FNDC3B: variants seen among roughly 807,000 people sequenced by gnomAD.
FNDC3B encodes fibronectin type III domain-containing protein 3B.
Under a neutral mutation model 151.5 loss-of-function variants are expected in FNDC3B, and 12 were observed. The observed-to-expected ratio is 0.08, with a 90% CI of 0.05 to 0.13. FNDC3B has a LOEUF of 0.13. Ranked by LOEUF, FNDC3B falls within the 10% of genes least tolerant of loss-of-function variation. The probability of loss-of-function intolerance (pLI) is 1.00; values close to 1 mark genes in which losing one functional copy is unlikely to be tolerated. For synonymous variants in FNDC3B, 528 were observed against 549.0 expected, an observed-to-expected ratio of 0.96 and a Z score of 0.54; for missense variants, 1,214 against 1,505.3, an observed-to-expected ratio of 0.81 and a Z score of 3.20.
At chr3:172,297,753 C>A (rs763101836) in intron 8 of FNDC3B, among the ~76,000 whole-genome samples, 4 of 143,588 alleles carry the variant, frequency 2.8e-5, no homozygotes, top group African/African-American at 5.5e-5. Context: ...GGATAACAGG[C>A]GTGAGCCACC....
chr3:172,144,204 TAAAC>T (rs1227946950), intron 3 of FNDC3B, among the ~76,000 whole-genome samples: 1 of 152,036 alleles, frequency 6.6e-6, no homozygotes, highest in African/African-American at 2.4e-5. Context: ...CCCAGACTCT[TAAAC>T]AACCAGATCT....
chr3:172,127,139 T>A (rs955868747), intron 2 of FNDC3B: 5 of 453,882 alleles, frequency 1.1e-5, no homozygotes, highest in African/African-American at 1.0e-4. Context: ...AGACTGTAAT[T>A]TTACTTAACT....
chr3:172,216,762 T>C (rs1006154557), intron 3 of FNDC3B, among the ~76,000 whole-genome samples: 1 of 152,180 alleles, frequency 6.6e-6, no homozygotes, highest in African/African-American at 2.4e-5. Context: ...TGGGGCAAGG[T>C]GATAAAGTTT....
intron 5 of FNDC3B, among the ~76,000 whole-genome samples, chr3:172,249,487 C>G (rs573647203): frequency 6.6e-6 from 1 of 152,044 alleles, no homozygotes; most frequent in Non-Finnish European, 1.5e-5. Flanking sequence ...AAACAAAATC[C>G]CTTCCCTTTA....
intron 16 of FNDC3B, 27 bp from the exon 17 acceptor site, chr3:172,341,086 A>G: frequency 6.8e-7 from 1 of 1,477,182 alleles, no homozygotes; most frequent in Non-Finnish European, 9.5e-7. Flanking sequence ...AAGAGGCATA[A>G]AGTCATGCAT....
intron 9 of FNDC3B, among the ~76,000 whole-genome samples, chr3:172,304,550 T>G (rs765776360): frequency 6.6e-5 from 10 of 152,142 alleles, no homozygotes; most frequent in Non-Finnish European, 2.9e-5. Flanking sequence ...ACCTGCTCCA[T>G]CTAAAGCGGG....
At chr3:172,147,276 G>A (rs1228760810) in intron 3 of FNDC3B, among the ~76,000 whole-genome samples, 1 of 148,256 alleles carries the variant, frequency 6.7e-6, no homozygotes, top group South Asian at 2.1e-4. Context: ...CATTGTACTC[G>A]AGCCTGGCGA....
intron 25 of FNDC3B, among the ~76,000 whole-genome samples, chr3:172,387,391 C>G (rs935285588): frequency 6.6e-6 from 1 of 152,200 alleles, no homozygotes; most frequent in African/African-American, 2.4e-5. Flanking sequence ...AGCCACCATG[C>G]CTGTCCCCTT....
intron 3 of FNDC3B, among the ~76,000 whole-genome samples, chr3:172,145,041 C>T (rs1336504694): frequency 6.6e-6 from 1 of 151,922 alleles, no homozygotes; most frequent in African/African-American, 2.4e-5. Flanking sequence ...GATTATTTCC[C>T]CCCTAAGTAT....
In FNDC3B at chr3:172,149,635, A is replaced by G. The variant is rs186684072; in HGVS notation, c.187+16089A>G. ...TTTTCTACTTGAAAGTGAGATTTTAAATTATCATTGAGACCTTACTTTAGG... is the reference window on the plus strand; with the variant it reads ...TTTTCTACTTGAAAGTGAGATTTTAGATTATCATTGAGACCTTACTTTAGG... On this transcript the variant is annotated intron_variant, in intron 3 of 25. Transcript: ENST00000415807. 5.3e-5 allele frequency among the ~76,000 whole-genome samples: 8 copies of G among 152,098 alleles called. No homozygotes were observed. In the East Asian group the frequency reaches 1.4e-3, roughly 26 times the overall value.
intron 22 of FNDC3B, among the ~76,000 whole-genome samples, chr3:172,361,713 G>T (rs1479685802): frequency 6.6e-6 from 1 of 152,068 alleles, no homozygotes; most frequent in African/African-American, 2.4e-5. Context: ...ACATTTTCAG[G>T]TATCTTTATA....
chr3:172,223,898 T>C (rs1200093041), intron 3 of FNDC3B, among the ~76,000 whole-genome samples: 5 of 152,276 alleles, frequency 3.3e-5, no homozygotes, highest in Non-Finnish European at 5.9e-5. Flanking sequence ...TGCACTGCTC[T>C]AAGCGCTTTT....
In FNDC3B at chr3:172,352,030, C is replaced by T. The variant is rs1460074212; in HGVS notation, c.2515-773C>T. On this transcript the variant is annotated intron_variant, in intron 21 of 25. Transcript: ENST00000415807. This position sits in a 1 kb window ranked among gnomAD's most constrained non-coding sequence, Gnocchi z 4.2. ...GTGGCGTTTACTCCTTGAGACAAGA[C>T]GACATCTCCAAATGTTTGAGTAGAG... 3.3e-5 allele frequency among the ~76,000 whole-genome samples: 5 copies of T among 152,098 alleles called. No homozygotes were observed. The highest frequency in any genetic ancestry group is 4.8e-5 in the African/African-American group (2 of 41,414).
At chr3:172,239,659 T>G (rs1258867543) in intron 4 of FNDC3B, among the ~76,000 whole-genome samples, 2 of 151,754 alleles carry the variant, frequency 1.3e-5, no homozygotes, top group African/African-American at 4.8e-5. Flanking sequence ...TTGATTCTTG[T>G]GGCTTGTAGT....
intron 13 of FNDC3B, 143 bp downstream of exon 13, chr3:172,330,858 C>G: frequency 1.6e-6 from 1 of 619,614 alleles, no homozygotes. Flanking sequence ...ACTACCAACA[C>G]CGGCCTGTTC....
chr3:172,393,712 A>G (rs1736133252), intron 25 of FNDC3B, among the ~76,000 whole-genome samples: 2 of 152,234 alleles, frequency 1.3e-5, no homozygotes, highest in South Asian at 4.1e-4. Context: ...TCACGAATAC[A>G]TGGAAATAAA....
intron 1 of FNDC3B, among the ~76,000 whole-genome samples, chr3:172,048,477 G>C (rs964334046): frequency 6.6e-6 from 1 of 152,080 alleles, no homozygotes; most frequent in Admixed American, 6.5e-5. Context: ...TAAATATATT[G>C]AGCTGGAATC....
chr3:172,348,695 G>T (rs1733719236), intron 21 of FNDC3B, among the ~76,000 whole-genome samples: 1 of 152,130 alleles, frequency 6.6e-6, no homozygotes, highest in Non-Finnish European at 1.5e-5. Context: ...TCCCAAAGCT[G>T]CATTATAAAA....
chr3:172,130,413 A>G (rs571359857), intron 2 of FNDC3B, among the ~76,000 whole-genome samples: 17 of 152,172 alleles, frequency 1.1e-4, no homozygotes, highest in Admixed American at 3.3e-4. Flanking sequence ...TGAAAATTAC[A>G]TGAACTAAAC....
Sources: allele counts gnomAD v4.1 joint callset (sites outside exome capture counted in the v4.1 genomes callset), GRCh38; gene constraint gnomAD v4.1.1; non-coding constraint Gnocchi (gnomAD v3.1); transcripts MANE v1.5; gene names NCBI Gene and HGNC (gene_info 2026-07-23, HGNC 2026-07-21).